N4BP2L1: variants seen among roughly 807,000 people sequenced by gnomAD.
N4BP2L1 encodes NEDD4 binding protein 2 like 1.
N4BP2L1 carries 12 observed loss-of-function variants against 21.2 expected under a neutral mutation model. The ratio of observed to expected loss-of-function variants is 0.57; its 90% CI spans 0.36 to 0.92. The LOEUF is 0.92. Ranked by LOEUF, N4BP2L1 falls within the 40% of genes least tolerant of loss-of-function variation. N4BP2L1 has a pLI of 0.01. For synonymous variants in N4BP2L1, 104 were observed against 112.8 expected (o/e 0.92, Z 0.49); for missense variants, 259 against 310.6 (o/e 0.83, Z 1.25).
Position 32,402,286 on chromosome 13 carries a change from C to T in N4BP2L1, c.*656G>A. 1 of 614,332 alleles carries T rather than the reference C, an allele frequency of 1.6e-6. No homozygotes were observed. The highest frequency in any genetic ancestry group is 2.0e-6 in the Non-Finnish European group (1 of 491,420). The allele number at this position is 614,332 out of a possible 1,614,324, so 38.1% of individuals were successfully genotyped here. A position where few individuals can be genotyped will look rare whatever the true frequency, so the allele number is the denominator to read the frequency against. On this transcript the variant is annotated 3_prime_UTR_variant, in exon 5 of 5. Coordinates refer to ENST00000380130, the MANE Select transcript of N4BP2L1 (RefSeq NM_052818.3). ...GACTTTAAATAATGACACTGATTTC[C>T]CTCAGTAGCTCCTGTAGCTATTAAG...
At chr13:32,404,930 G>T (rs1248296667) in intron 3 of N4BP2L1, among the ~76,000 whole-genome samples, 1 of 151,932 alleles carries the variant, frequency 6.6e-6, no homozygotes, top group Non-Finnish European at 1.5e-5. Flanking sequence ...CCATTTCCTT[G>T]AGTTTAGAAA....
At chr13:32,408,564 A>G (rs1208034482) in intron 1 of N4BP2L1, among the ~76,000 whole-genome samples, 1 of 152,232 alleles carries the variant, frequency 6.6e-6, no homozygotes, top group Non-Finnish European at 1.5e-5. Context: ...TTTCCACTTG[A>G]ATCCTTGCTC....
chr13:32,417,942 G>A (rs1340845928), intron 1 of N4BP2L1, among the ~76,000 whole-genome samples: 1 of 152,172 alleles, frequency 6.6e-6, no homozygotes, highest in Non-Finnish European at 1.5e-5. Context: ...AAGCAGCAAA[G>A]CATTCAAGAG....
upstream of N4BP2L1, among the ~76,000 whole-genome samples, chr13:32,429,454 T>C (rs1473437686): frequency 6.6e-6 from 1 of 152,180 alleles, no homozygotes; most frequent in African/African-American, 2.4e-5. Context: ...ATCGTAAAAA[T>C]AGTGACACAA....
chr13:32,402,721 C>G lies in N4BP2L1; in HGVS notation c.*221G>C, dbSNP rs1048571017. On this transcript the variant is annotated 3_prime_UTR_variant, in exon 5 of 5. Transcript: ENST00000380130. Reference sequence around the variant, plus strand: ...CAAATTCTTACCCTAGAGAAAGAGACTGTTTACTCAAATCTGCAGAATTCC... The same window carrying G: ...CAAATTCTTACCCTAGAGAAAGAGAGTGTTTACTCAAATCTGCAGAATTCC... 6.8e-6 allele frequency: 9 copies of G among 1,323,382 alleles called. No individual in the cohort carries two copies. The African/African-American group carries it at 1.3e-4, about 20-fold the overall frequency. The allele number at this position is 1,323,382 out of a possible 1,614,324, so 82.0% of individuals were successfully genotyped here.
In N4BP2L1 at chr13:32,402,361, C is replaced by A; in HGVS notation, c.*581G>T. 1 of 653,786 alleles carries A rather than the reference C, an allele frequency of 1.5e-6. No homozygotes were observed. The highest frequency in any genetic ancestry group is 1.9e-6 in the Non-Finnish European group (1 of 527,434). The allele number at this position is 653,786 out of a possible 1,614,324, so 40.5% of individuals were successfully genotyped here. On this transcript the variant is annotated 3_prime_UTR_variant, in exon 5 of 5. Coordinates refer to ENST00000380130, the MANE Select transcript of N4BP2L1 (RefSeq NM_052818.3). ...ATACATCATTAAAATAAAGAAATAA[C>A]TTCCCAAAGTGTCTACTTTGAAGGA...
chr13:32,419,412 A>ATTTTTTTTTTTTTTTTTTTTTT lies in N4BP2L1; in HGVS notation c.179+8470_179+8491dup, dbSNP rs71071039. ...GGGTGCTTGCCACCATGCTTGGCTA[A>ATTTTTTTTTTTTTTTTTTTTTT]TTTTTTTTTTTTTTTTTTTTTTTTT... On this transcript the variant is annotated intron_variant, in intron 1 of 4. Transcript: ENST00000380130. 32 of 284,698 alleles carry ATTTTTTTTTTTTTTTTTTTTTT rather than the reference A, an allele frequency of 1.1e-4. 3 individuals are homozygous for ATTTTTTTTTTTTTTTTTTTTTT. The highest frequency in any genetic ancestry group is 2.8e-3 in the Middle Eastern group (2 of 712). The allele number at this position is 284,698 out of a possible 1,614,324, so 17.6% of individuals were successfully genotyped here. A position where few individuals can be genotyped will look rare whatever the true frequency, so the allele number is the denominator to read the frequency against.
chr13:32,423,734 T>A (rs2074613364), intron 1 of N4BP2L1, among the ~76,000 whole-genome samples: 4 of 152,158 alleles, frequency 2.6e-5, no homozygotes, highest in Admixed American at 2.0e-4. Context: ...AGGAGGCAAA[T>A]GCATAGAGAC....
intron 1 of N4BP2L1, chr13:32,425,342 A>G (rs1338832297): frequency 6.6e-6 from 1 of 152,208 alleles, no homozygotes; most frequent in Admixed American, 6.5e-5. Flanking sequence ...AGACTTTTCT[A>G]TAAACACACA....
chr13:32,409,127 G>A (rs2073704859), intron 1 of N4BP2L1, among the ~76,000 whole-genome samples: 1 of 152,162 alleles, frequency 6.6e-6, no homozygotes, highest in South Asian at 2.1e-4. Context: ...TAAACACATC[G>A]GAGCGCGCAT....
chr13:32,407,561 T>C, intron 2 of N4BP2L1, 84 bp downstream of exon 2: 1 of 1,603,914 alleles, frequency 6.2e-7, no homozygotes, highest in Non-Finnish European at 8.5e-7. Flanking sequence ...GTTAAACTCC[T>C]TCCATAAAAT....
Position 32,407,044 on chromosome 13 carries a change from TC to T in N4BP2L1, c.396+205del, listed in dbSNP as rs2073557695. 7 of 577,192 alleles carry T rather than the reference TC, an allele frequency of 1.2e-5. 1 individual carries two copies. In the South Asian group the frequency reaches 1.5e-4, roughly 12 times the overall value. 35.8% of individuals were successfully genotyped at this position (577,192 alleles called of 1,614,324 possible). ...TGCCAAGGACTATTTTTAAATTGTATCCTCAAGTGAGATTAGCATCTCAGCA... is the reference window on the plus strand; with the variant it reads ...TGCCAAGGACTATTTTTAAATTGTATCTCAAGTGAGATTAGCATCTCAGCA... On this transcript the variant is annotated intron_variant, in intron 3 of 4. Transcript: ENST00000380130.
intron 1 of N4BP2L1, among the ~76,000 whole-genome samples, chr13:32,423,598 T>C (rs2074602743): frequency 6.6e-6 from 1 of 152,224 alleles, no homozygotes; most frequent in Admixed American, 6.5e-5. Context: ...TTTATTGAGA[T>C]ACAAAAATAG....
chr13:32,415,910 C>T (rs1017530374), intron 1 of N4BP2L1: 4 of 152,172 alleles, frequency 2.6e-5, no homozygotes, highest in East Asian at 1.9e-4. Flanking sequence ...CACTTATCAC[C>T]GCCTAAATTA....
At chr13:32,424,419 C>A (rs889984194) in intron 1 of N4BP2L1, among the ~76,000 whole-genome samples, 1 of 152,230 alleles carries the variant, frequency 6.6e-6, no homozygotes, top group Non-Finnish European at 1.5e-5. Context: ...CCACCAACAG[C>A]ATTTGAGATG....
At chr13:32,412,531 G>A (rs1022160178) in intron 1 of N4BP2L1, among the ~76,000 whole-genome samples, 5 of 151,628 alleles carry the variant, frequency 3.3e-5, no homozygotes, top group Admixed American at 3.3e-4. Flanking sequence ...GGAGGCTGAG[G>A]CATGAGAATC....
intron 1 of N4BP2L1, among the ~76,000 whole-genome samples, chr13:32,408,849 C>A (rs1593246127): frequency 6.6e-6 from 1 of 152,174 alleles, no homozygotes; most frequent in Non-Finnish European, 1.5e-5. Flanking sequence ...GATCTTTAAT[C>A]CAGGAAGAAC....
intron 1 of N4BP2L1, chr13:32,425,520 A>G (rs897956665): frequency 3.3e-5 from 5 of 150,684 alleles, no homozygotes; most frequent in African/African-American, 1.2e-4. Flanking sequence ...AGTAACTAAC[A>G]CCTCTTAAAA....
At chr13:32,426,328 T>C (rs1376045751) in intron 1 of N4BP2L1, among the ~76,000 whole-genome samples, 1 of 152,186 alleles carries the variant, frequency 6.6e-6, no homozygotes, top group Non-Finnish European at 1.5e-5. Flanking sequence ...AGATACTTGG[T>C]TGGTAACAGA....
Sources: allele counts gnomAD v4.1 joint callset (sites outside exome capture counted in the v4.1 genomes callset), GRCh38; gene constraint gnomAD v4.1.1; transcripts MANE v1.5; gene names NCBI Gene and HGNC (gene_info 2026-07-23, HGNC 2026-07-21).